CYB5RL: variants seen among roughly 807,000 people sequenced by gnomAD.
CYB5RL encodes the protein cytochrome b5 reductase like, also known as NADH-cytochrome b5 reductase-like.
A neutral mutation model predicts 37.5 loss-of-function variants in CYB5RL; 38 were observed. The ratio of observed to expected loss-of-function variants is 1.01; its 90% CI spans 0.78 to 1.33. The LOEUF is 1.33. CYB5RL is among the 40% of genes most tolerant of loss of function. The pLI is 0.00. For missense variants in CYB5RL, 388 were observed against 394.4 expected (o/e 0.98, Z 0.14); for synonymous variants, 141 against 151.9 (o/e 0.93, Z 0.53).
chr1:54,179,498 T>G, intron 6 of CYB5RL, 146 bp from the exon 7 acceptor site: 5 of 771,568 alleles, frequency 6.5e-6, no homozygotes, highest in Non-Finnish European at 1.0e-5. Flanking sequence ...CCTCTCTACC[T>G]CCTCCAGAAA....
At chr1:54,190,952 A>G (rs1643946426) in intron 3 of CYB5RL, 56 bp from the exon 4 acceptor site, 19 of 1,570,824 alleles carry the variant, frequency 1.2e-5, no homozygotes, top group Admixed American at 1.8e-5. Flanking sequence ...ACACACAGGC[A>G]TCCATAGCAT....
intron 3 of CYB5RL, among the ~76,000 whole-genome samples, chr1:54,194,069 G>A (rs1027803764): frequency 3.3e-5 from 5 of 149,622 alleles, no homozygotes; most frequent in Admixed American, 2.0e-4. Flanking sequence ...TTGTTTTGGG[G>A]TTCAGAGAAA....
intron 7 of CYB5RL, among the ~76,000 whole-genome samples, chr1:54,177,383 C>A (rs564153627): frequency 1.3e-5 from 2 of 152,280 alleles, no homozygotes; most frequent in South Asian, 2.1e-4. Flanking sequence ...ACTGGCACCA[C>A]CCTGGCCCAG....
Position 54,184,219 on chromosome 1 carries a change from A to T in CYB5RL, c.482T>A (p.Val161Glu). The T allele has an allele frequency of 6.2e-7, 1 of 1,613,584 alleles. No individual in the cohort carries two copies. Among genetic ancestry groups the T allele is most frequent in the Non-Finnish European group, 8.5e-7 (1 of 1,179,806 alleles). The change falls in exon 6 of 8, where the codon GTA becomes GAA. Residue 161 changes from valine (V) to glutamate (E), a missense_variant. Coordinates refer to ENST00000534324, the MANE Select transcript of CYB5RL (RefSeq NM_001031672.4). ...LMSRYVESWR[V>E]GDTAFWRGPF... ...TCCTCGCCAGAAAGCTGTGTCTCCT[A>T]CTCTCCAGGACTCAACATACCGGGA...
Position 54,174,654 on chromosome 1 carries a change from C to A in CYB5RL, c.913G>T (p.Ala305Ser), listed in dbSNP as rs762288981. 25 of 1,612,480 alleles carry A rather than the reference C, an allele frequency of 1.6e-5. No homozygotes were observed. Among genetic ancestry groups the A allele is most frequent in the Non-Finnish European group, 2.0e-5 (24 of 1,179,374 alleles). ...AAATAGGAGTCCTCAGTGAGGCCTG[C>A]GCACAGTAAGCACCTGGCTATGTCT... The part of the protein sequence containing the change: ...TKDIARCLLC[A>S]GLTEDSYFLF The change falls in exon 8 of 8, where the codon GCA (alanine) becomes TCA (serine). Residue 305 changes from alanine (A) to serine (S), a missense_variant. Physicochemically the swap from Ala to Ser is moderately conservative, Grantham distance 99. Coordinates refer to ENST00000534324, the MANE Select transcript of CYB5RL (RefSeq NM_001031672.4).
chr1:54,182,473 C>CT lies in CYB5RL; in HGVS notation c.540+1687dup, dbSNP rs754972094. On this transcript the variant is annotated intron_variant, in intron 6 of 7. Transcript: ENST00000534324. Reference sequence around the variant, plus strand: ...AATGCCTGTGAGTGTTTTTTCTTTTCTTTTTTTTTTGTCTCTTTCCATCTG... The same window carrying CT: ...AATGCCTGTGAGTGTTTTTTCTTTTCTTTTTTTTTTTGTCTCTTTCCATCTG... Among the ~76,000 whole-genome samples the CT allele has an allele frequency of 2.7e-3, 391 of 145,022 alleles. 1 individual carries two copies. Among genetic ancestry groups the CT allele is most frequent in the Non-Finnish European group, 4.2e-3 (275 of 65,650 alleles).
intron 7 of CYB5RL, among the ~76,000 whole-genome samples, chr1:54,178,186 T>C (rs981941092): frequency 1.3e-5 from 2 of 152,176 alleles, no homozygotes; most frequent in Non-Finnish European, 2.9e-5. Context: ...GGGACCCTTA[T>C]ATTGGGACGG....
At chr1:54,179,786 A>G (rs1391953687) in intron 6 of CYB5RL, among the ~76,000 whole-genome samples, 1 of 152,128 alleles carries the variant, frequency 6.6e-6, no homozygotes, top group East Asian at 1.9e-4. Context: ...CCCACTCCCA[A>G]TGCCATTCCA....
Position 54,179,219 on chromosome 1 carries a change from AT to A in CYB5RL, c.673del (p.Ile225SerfsTer3). The A allele has an allele frequency of 6.2e-7, 1 of 1,613,774 alleles. No individual in the cohort carries two copies. Among genetic ancestry groups the A allele is most frequent in the Non-Finnish European group, 8.5e-7 (1 of 1,179,846 alleles). On this transcript the variant is annotated frameshift_variant, in exon 7 of 8. Transcript: ENST00000534324. LOFTEE classifies it high-confidence loss of function. ...LVGCFKTFES[I>X]YLKTFLQEQA... ...CTCTTGGAGGAAGGTTTTCAGGTAG[AT>A]GCTCTCAAAGGTCTTGAAGCAACCG... is the stretch of plus-strand genomic sequence containing the variant.
At position 54,199,065 on chromosome 1, in the gene CYB5RL, G is replaced by T. The variant is rs533122198; in HGVS notation, c.-223+911C>A. 1.6e-4 allele frequency among the ~76,000 whole-genome samples: 25 copies of T among 152,230 alleles called. No individual in the cohort carries two copies. In the South Asian group the frequency reaches 4.8e-3, roughly 29 times the overall value. On this transcript the variant is annotated intron_variant, in intron 1 of 7. Coordinates refer to ENST00000534324, the MANE Select transcript of CYB5RL (RefSeq NM_001031672.4). ...GAGCTCTATCTTTTCAGTTCAAGAG[G>T]CACCACCTTTAATCCAGGCCTTGAC...
chr1:54,195,317 T>C (rs1026225454), intron 3 of CYB5RL, 102 bp downstream of exon 3: 50 of 1,310,254 alleles, frequency 3.8e-5, no homozygotes, highest in Admixed American at 3.8e-4. Flanking sequence ...ACTCTTTTCT[T>C]CTGCTGTACA....
chr1:54,199,626 T>C (rs1354194504), intron 1 of CYB5RL, among the ~76,000 whole-genome samples: 3 of 152,212 alleles, frequency 2.0e-5, no homozygotes, highest in African/African-American at 7.2e-5. Flanking sequence ...TTCATTGCTC[T>C]GTCCTTGCTT....
chr1:54,178,597 T>C, intron 7 of CYB5RL, among the ~76,000 whole-genome samples: 1 of 152,162 alleles, frequency 6.6e-6, no homozygotes, highest in East Asian at 1.9e-4. Context: ...GGTCCTCCTA[T>C]GGAGGGACAG....
Position 54,174,482 on chromosome 1 carries a change from A to C in CYB5RL, c.*137T>G. On this transcript the variant is annotated 3_prime_UTR_variant, in exon 8 of 8. Coordinates refer to ENST00000534324, the MANE Select transcript of CYB5RL (RefSeq NM_001031672.4). ...TGAGAAGTAGAGGTTCTGAGCAGTA[A>C]AGACACTTGCCCAAGGTCACCTGGC... 1.0e-6 allele frequency: 1 copy of C among 970,290 alleles called. No homozygotes were observed. Among genetic ancestry groups the C allele is most frequent in the Non-Finnish European group, 1.6e-6 (1 of 637,670 alleles). 60.1% of individuals were successfully genotyped at this position (970,290 alleles called of 1,614,324 possible). A position where few individuals can be genotyped will look rare whatever the true frequency, so the allele number is the denominator to read the frequency against.
intron 3 of CYB5RL, among the ~76,000 whole-genome samples, 171 bp downstream of exon 3, chr1:54,195,248 T>C (rs1643995855): frequency 6.6e-6 from 1 of 152,238 alleles, no homozygotes; most frequent in South Asian, 2.1e-4. Context: ...ACACAGCTGC[T>C]AATAAGTTTG....
intron 7 of CYB5RL, among the ~76,000 whole-genome samples, chr1:54,177,947 G>GC (rs1660060624): frequency 6.6e-6 from 1 of 152,176 alleles, no homozygotes; most frequent in Non-Finnish European, 1.5e-5. Context: ...CTGCCTTCCT[G>GC]CCCTCCTCCC....
intron 3 of CYB5RL, among the ~76,000 whole-genome samples, chr1:54,194,949 C>T (rs1406689412): frequency 6.6e-6 from 1 of 152,066 alleles, no homozygotes; most frequent in African/African-American, 2.4e-5. Context: ...TATGAAGTCC[C>T]GGAGGAGTTA....
intron 6 of CYB5RL, chr1:54,180,134 G>T (rs538143688): frequency 3.6e-5 from 15 of 419,598 alleles, no homozygotes; most frequent in African/African-American, 2.9e-4. Flanking sequence ...CTACTTGGGA[G>T]GCTGAGGCAG....
intron 1 of CYB5RL, among the ~76,000 whole-genome samples, chr1:54,199,451 T>C (rs946447): frequency 0.83 from 125,829 of 152,144 alleles, 53,215 homozygotes; most frequent in Non-Finnish European, 0.92. Flanking sequence ...AGTTGACTTA[T>C]TTGTTCGCGT....
Sources: allele counts gnomAD v4.1 joint callset (sites outside exome capture counted in the v4.1 genomes callset), GRCh38; gene constraint gnomAD v4.1.1; transcripts MANE v1.5; gene names NCBI Gene and HGNC (gene_info 2026-07-23, HGNC 2026-07-21).